Variants in OXR1 observed in about 807,000 individuals in gnomAD.
OXR1 encodes oxidation resistance protein 1.
A neutral mutation model predicts 104.6 loss-of-function variants in OXR1; 41 were observed. The ratio of observed to expected loss-of-function variants is 0.39; its 90% confidence interval spans 0.31 to 0.51. OXR1 has a LOEUF of 0.51. Ranked by LOEUF, OXR1 falls within the 20% of genes least tolerant of loss-of-function variation. The pLI is 0.77. For synonymous variants in OXR1, 348 were observed against 348.4 expected (o/e 1.00, Z 0.01); for missense variants, 955 against 1,031.9 (o/e 0.93, Z 1.02).
intron 3 of OXR1, among the ~76,000 whole-genome samples, chr8:106,655,956 T>G (rs1009311109): frequency 6.6e-6 from 1 of 152,220 alleles, no homozygotes. Flanking sequence ...GATGTAAAAG[T>G]GCAGATCTAA....
At chr8:106,697,940 C>G in intron 7 of OXR1, 3 of 1,612,376 alleles carry the variant, frequency 1.9e-6, no homozygotes, top group Non-Finnish European at 2.5e-6. Flanking sequence ...TGCTCCAGAT[C>G]TGCATCATAC....
intron 1 of OXR1, among the ~76,000 whole-genome samples, chr8:106,284,627 A>G (rs919684771): frequency 1.3e-5 from 2 of 152,178 alleles, no homozygotes; most frequent in African/African-American, 4.8e-5. Flanking sequence ...ATACAACATT[A>G]CAAATATGCC....
chr8:106,287,672 T>A (rs933327114), intron 1 of OXR1, among the ~76,000 whole-genome samples: 2 of 151,212 alleles, frequency 1.3e-5, no homozygotes, highest in Non-Finnish European at 2.9e-5. Context: ...AAAAAAAATC[T>A]GTGCAAAAGA....
chr8:106,649,133 A>G (rs1824329124), intron 3 of OXR1, among the ~76,000 whole-genome samples: 1 of 152,156 alleles, frequency 6.6e-6, no homozygotes, highest in Non-Finnish European at 1.5e-5. Flanking sequence ...TGATCCCAGG[A>G]GGTCGAGGAT....
chr8:106,368,747 C>T (rs1586574012), intron 2 of OXR1, among the ~76,000 whole-genome samples: 1 of 152,290 alleles, frequency 6.6e-6, no homozygotes, highest in Non-Finnish European at 1.5e-5. Flanking sequence ...CTTTTTCTGG[C>T]TGCATAGTAT....
intron 2 of OXR1, among the ~76,000 whole-genome samples, chr8:106,369,448 C>T (rs944179910): frequency 2.0e-5 from 3 of 152,088 alleles, no homozygotes; most frequent in Admixed American, 6.5e-5. Context: ...TTGTTTTTGA[C>T]GTTTTAGTCA....
chr8:106,578,155 A>T (rs1817988166), intron 3 of OXR1, among the ~76,000 whole-genome samples: 1 of 152,212 alleles, frequency 6.6e-6, no homozygotes, highest in Non-Finnish European at 1.5e-5. Flanking sequence ...TGCATATTTA[A>T]CTGTGCTTAC....
At chr8:106,651,559 G>A (rs1460591160) in intron 3 of OXR1, among the ~76,000 whole-genome samples, 1 of 152,026 alleles carries the variant, frequency 6.6e-6, no homozygotes, top group Non-Finnish European at 1.5e-5. Flanking sequence ...TTGAAAATCA[G>A]TCTGTTTTCC....
At chr8:106,469,634 A>T (rs1014022357) in intron 2 of OXR1, among the ~76,000 whole-genome samples, 1 of 151,870 alleles carries the variant, frequency 6.6e-6, no homozygotes, top group Non-Finnish European at 1.5e-5. Context: ...AGTCAAGTAA[A>T]TGGGCAGCTT....
At chr8:106,444,897 CAT>C (rs904729085) in intron 2 of OXR1, among the ~76,000 whole-genome samples, 1 of 151,822 alleles carries the variant, frequency 6.6e-6, no homozygotes, top group African/African-American at 2.4e-5. Flanking sequence ...ACATACCCCC[CAT>C]ATATATATAC....
At position 106,313,773 on chromosome 8, in the gene OXR1, G is replaced by T. The variant is rs566440274; in HGVS notation, c.-139+43406G>T. 2.0e-5 allele frequency among the ~76,000 whole-genome samples: 3 copies of T among 152,256 alleles called. No homozygotes were observed. The South Asian group carries it at 6.2e-4, about 32-fold the overall frequency. On this transcript the variant is annotated intron_variant, in intron 1 of 16. Coordinates refer to ENST00000517566, the MANE Select transcript of OXR1 (RefSeq NM_001198533.2). ...AAAACAGTTCATGTAGGTAGGAAGTGTAAGACTCACTGCCATATGCTGTTC... is the reference window on the plus strand; with the variant it reads ...AAAACAGTTCATGTAGGTAGGAAGTTTAAGACTCACTGCCATATGCTGTTC...
intron 2 of OXR1, among the ~76,000 whole-genome samples, chr8:106,442,901 T>C (rs969307374): frequency 2.0e-5 from 3 of 152,098 alleles, no homozygotes; most frequent in Non-Finnish European, 4.4e-5. Flanking sequence ...TTTTCATGTC[T>C]CTATCTTCTT....
At chr8:106,361,712 CTCA>C (rs1411105657) in intron 2 of OXR1, among the ~76,000 whole-genome samples, 1 of 152,076 alleles carries the variant, frequency 6.6e-6, no homozygotes, top group African/African-American at 2.4e-5. Flanking sequence ...TGCACAGTAA[CTCA>C]TCATTACATT....
chr8:106,444,918 G>A (rs564380133), intron 2 of OXR1, among the ~76,000 whole-genome samples: 1 of 152,134 alleles, frequency 6.6e-6, no homozygotes, highest in East Asian at 1.9e-4. Flanking sequence ...ACACCACACA[G>A]ATATTAGCAT....
rs541329265 is a variant in OXR1 at position 106,416,516 on chromosome 8, G to A, written c.23+56880G>A. On this transcript the variant is annotated intron_variant, in intron 2 of 16. Coordinates refer to ENST00000517566, the MANE Select transcript of OXR1 (RefSeq NM_001198533.2). ...CATTTAGAATCTGTATGGAATTAGA[G>A]TTCTAATATATATGTATACATATAC... 1.8e-4 allele frequency among the ~76,000 whole-genome samples: 28 copies of A among 151,908 alleles called. No homozygotes were observed. The South Asian group carries it at 2.1e-3, about 11-fold the overall frequency.
intron 3 of OXR1, among the ~76,000 whole-genome samples, chr8:106,635,767 A>G (rs1485711079): frequency 6.6e-6 from 1 of 152,152 alleles, no homozygotes; most frequent in African/African-American, 2.4e-5. Flanking sequence ...AGAAATAACT[A>G]TAAGAAAGAA....
At chr8:106,496,395 C>T (rs994524278) in intron 2 of OXR1, among the ~76,000 whole-genome samples, 3 of 152,134 alleles carry the variant, frequency 2.0e-5, no homozygotes, top group African/African-American at 7.2e-5. Context: ...TTAAAAAAAA[C>T]AGCCTCAAAT....
intron 3 of OXR1, among the ~76,000 whole-genome samples, chr8:106,658,406 T>A (rs1285512919): frequency 2.0e-5 from 3 of 152,066 alleles, no homozygotes; most frequent in Non-Finnish European, 4.4e-5. Context: ...CAGCTCTTCC[T>A]GCTCTGCTCT....
chr8:106,634,249 C>T (rs919721443), intron 3 of OXR1, among the ~76,000 whole-genome samples: 13 of 152,212 alleles, frequency 8.5e-5, no homozygotes, highest in African/African-American at 3.1e-4. Flanking sequence ...TATGCTCCCT[C>T]TGAGGGTCCT....
Sources: gnomAD v4.1 joint callset for allele counts (sites outside exome capture counted in the v4.1 genomes callset) on GRCh38, gnomAD v4.1.1 for gene constraint, MANE v1.5 for transcripts, NCBI Gene and HGNC (gene_info 2026-07-23, HGNC 2026-07-21) for gene names.